The following ST3GAL4 variants were observed in gnomAD, a reference collection of about 807,000 sequenced individuals.
ST3GAL4 encodes CMP-N-acetylneuraminate-beta-galactosamide-alpha-2,3-sialyltransferase 4.
Under a neutral mutation model 42.6 loss-of-function variants are expected in ST3GAL4, and 24 were observed. The ratio of observed to expected loss-of-function variants is 0.56; its 90% CI spans 0.41 to 0.79. The LOEUF (loss-of-function observed/expected upper bound fraction) is 0.79, where lower values mean the gene tolerates loss of function less well. Among genes scored for constraint, ST3GAL4 ranks in the 30% least tolerant of loss-of-function variants. The probability of loss-of-function intolerance (pLI) is 0.00; values close to 1 mark genes in which losing one functional copy is unlikely to be tolerated. For missense variants in ST3GAL4, 311 were observed against 430.8 expected, an observed-to-expected ratio of 0.72 and a Z score of 2.46; for synonymous variants, 135 against 163.2, an observed-to-expected ratio of 0.83 and a Z score of 1.32.
chr11:126,407,464 G>A (rs752546506), intron 5 of ST3GAL4, 110 bp from the exon 6 acceptor site: 519 of 1,564,310 alleles, frequency 3.3e-4, no homozygotes, highest in Middle Eastern at 1.2e-3. Flanking sequence ...GGGTACCAGG[G>A]TCAGGGGAAG....
In ST3GAL4 at chr11:126,409,404, T is replaced by G. The variant is rs1252514714; in HGVS notation, c.764T>G (p.Ile255Ser). 2 of 1,614,050 alleles carry G rather than the reference T, an allele frequency of 1.2e-6. No individual in the cohort carries two copies. Among genetic ancestry groups the G allele is most frequent in the African/African-American group, 2.7e-5 (2 of 74,912 alleles). The change falls in exon 9 of 11, where the codon ATT becomes AGT. Residue 255 changes from isoleucine (I) to serine (S), a missense_variant. Ile to Ser is a moderately radical substitution (Grantham distance 142). Transcript: ENST00000444328. The surrounding 1 kb of genome is among the most constrained non-coding windows in gnomAD (Gnocchi z 4.9). ...LSLPMQQPRK[I>S]KQKPTTGLLA... ...CTGCCAATGCAACAGCCACGGAAGA[T>G]TAAGCAGGTGATGATGGGAAGTCAG...
In ST3GAL4 at chr11:126,411,151, T is replaced by G. The variant is rs1954506880; in HGVS notation, c.771+1740T>G. Among the ~76,000 whole-genome samples the G allele has an allele frequency of 8.5e-6, 1 of 117,382 alleles. No individual in the cohort carries two copies. The highest frequency in any genetic ancestry group is 2.6e-4 in the South Asian group (1 of 3,840). 77.0% of individuals were successfully genotyped at this position (117,382 alleles called of 152,430 possible). On this transcript the variant is annotated intron_variant, in intron 9 of 10. Coordinates refer to ENST00000444328, the MANE Select transcript of ST3GAL4 (RefSeq NM_001254757.2). This position sits in a 1 kb window ranked among gnomAD's most constrained non-coding sequence, Gnocchi z 6.3. ...GAGATGGACTCAACATTGTGTTGGT[T>G]GTTTTTTTTTTTGAGATGGAGTCTT...
intron 8 of ST3GAL4, 26 bp downstream of exon 8, chr11:126,408,522 T>C (rs1374898779): frequency 6.2e-7 from 1 of 1,612,274 alleles, no homozygotes; most frequent in Non-Finnish European, 8.5e-7. Flanking sequence ...GACTGGGGGC[T>C]GAGGCCTGGC....
Position 126,383,430 on chromosome 11 carries a change from A to G in ST3GAL4, c.-60-22666A>G, listed in dbSNP as rs540412138. ...CCACTGGGCCTGAGGGAGGTAGAGC[A>G]GCAGCAGCAGCAGCTGAGCCCAGCC... On this transcript the variant is annotated intron_variant, in intron 1 of 10. Transcript: ENST00000444328. The surrounding 1 kb of genome is among the most constrained non-coding windows in gnomAD (Gnocchi z 4.5). Among the ~76,000 whole-genome samples the G allele has an allele frequency of 3.3e-5, 5 of 152,132 alleles. No individual in the cohort carries two copies. The highest frequency in any genetic ancestry group is 9.7e-5 in the African/African-American group (4 of 41,446).
At chr11:126,357,037 A>G (rs1400320556) in intron 1 of ST3GAL4, among the ~76,000 whole-genome samples, 1 of 152,200 alleles carries the variant, frequency 6.6e-6, no homozygotes, top group East Asian at 1.9e-4. Context: ...ACTATTGGTA[A>G]TATTTCTCCC....
rs900216712 is a variant in ST3GAL4 at position 126,397,726 on chromosome 11, G to T, written c.-60-8370G>T. Among the ~76,000 whole-genome samples the T allele has an allele frequency of 1.3e-5, 2 of 152,180 alleles. No homozygotes were observed. The highest frequency in any genetic ancestry group is 2.4e-5 in the African/African-American group (1 of 41,442). On this transcript the variant is annotated intron_variant, in intron 1 of 10. Coordinates refer to ENST00000444328, the MANE Select transcript of ST3GAL4 (RefSeq NM_001254757.2). The surrounding 1 kb of genome is among the most constrained non-coding windows in gnomAD (Gnocchi z 5.0). Reference sequence around the variant, plus strand: ...TGTCCAAGATCTAGAGGACACATCCGGTGAGGGTCTTCTTGCTGCATTGTC... The same window carrying T: ...TGTCCAAGATCTAGAGGACACATCCTGTGAGGGTCTTCTTGCTGCATTGTC...
chr11:126,375,296 G>T (rs1185634215), intron 1 of ST3GAL4, among the ~76,000 whole-genome samples: 1 of 152,204 alleles, frequency 6.6e-6, no homozygotes, highest in East Asian at 1.9e-4. Flanking sequence ...ACTGTGTCTC[G>T]TGCGGAAGCG....
At chr11:126,395,912 G>A (rs1380319539) in intron 1 of ST3GAL4, among the ~76,000 whole-genome samples, 3 of 152,170 alleles carry the variant, frequency 2.0e-5, no homozygotes, top group Non-Finnish European at 2.9e-5. Context: ...GGAGGGAGGA[G>A]GTGCTGGCCA....
chr11:126,407,015 C>T lies in ST3GAL4; in HGVS notation c.174C>T (p.Leu58=). 1.9e-6 allele frequency: 3 copies of T among 1,613,932 alleles called. No individual in the cohort carries two copies. The change falls in exon 4 of 11, where the codon CTC becomes CTT. Residue 58 remains leucine (L), a synonymous_variant. Transcript: ENST00000444328. The part of the protein sequence containing the change: ...QGEAESKASK[L]FGNYSRDQPI... ...AGGCAGAGAGCAAGGCCTCTAAGCT[C>T]TTTGGCAAGTAAGTACTTAAGGATG...
At position 126,410,532 on chromosome 11, in the gene ST3GAL4, G is replaced by A. The variant is rs1054013241; in HGVS notation, c.771+1121G>A. ...ATGACCTTTTAAGGCTGTTGTAGGA[G>A]TTTGAAAAATAATAATGATGTAAAA... On this transcript the variant is annotated intron_variant, in intron 9 of 10. Coordinates refer to ENST00000444328, the MANE Select transcript of ST3GAL4 (RefSeq NM_001254757.2). The surrounding 1 kb of genome is among the most constrained non-coding windows in gnomAD (Gnocchi z 5.3). Among the ~76,000 whole-genome samples the A allele has an allele frequency of 1.3e-5, 2 of 152,226 alleles. No individual in the cohort carries two copies. The highest frequency in any genetic ancestry group is 2.9e-5 in the Non-Finnish European group (2 of 68,048).
chr11:126,381,149 G>C (rs2135441105), intron 1 of ST3GAL4, among the ~76,000 whole-genome samples: 1 of 152,310 alleles, frequency 6.6e-6, no homozygotes, highest in East Asian at 1.9e-4. Context: ...GCTTTGCACT[G>C]TGGCTTTGCT....
intron 1 of ST3GAL4, among the ~76,000 whole-genome samples, chr11:126,375,482 G>A (rs56710099): frequency 0.12 from 18,945 of 151,914 alleles, 1,328 homozygotes; most frequent in Middle Eastern, 0.19. Flanking sequence ...TAGGATGTGG[G>A]GGTTCTGGCT....
At chr11:126,395,035 C>G (rs1377043353) in intron 1 of ST3GAL4, among the ~76,000 whole-genome samples, 1 of 152,002 alleles carries the variant, frequency 6.6e-6, no homozygotes, top group Non-Finnish European at 1.5e-5. Flanking sequence ...GCCAGGAAGC[C>G]TCCCCGTGCC....
chr11:126,357,171 C>A (rs1465551469), intron 1 of ST3GAL4, among the ~76,000 whole-genome samples: 2 of 152,124 alleles, frequency 1.3e-5, no homozygotes, highest in African/African-American at 2.4e-5. Flanking sequence ...TCTGGGAATG[C>A]CCCTTGACCG....
At chr11:126,357,653 T>C (rs533453745) in intron 1 of ST3GAL4, among the ~76,000 whole-genome samples, 1 of 152,326 alleles carries the variant, frequency 6.6e-6, no homozygotes, top group East Asian at 1.9e-4. Flanking sequence ...TTCTGGACTT[T>C]TAATCCTGGA....
chr11:126,400,635 G>A lies in ST3GAL4; in HGVS notation c.-60-5461G>A, dbSNP rs1282235748. Among the ~76,000 whole-genome samples, 1 of 152,212 alleles carries A rather than the reference G, an allele frequency of 6.6e-6. No homozygotes were observed. Among genetic ancestry groups the A allele is most frequent in the Non-Finnish European group, 1.5e-5 (1 of 68,026 alleles). Reference sequence around the variant, plus strand: ...ATGTAAGGAGTGCGGAGTGAGTGAAGCAAGAGGGTGATTTGATCCATATCA... The same window carrying A: ...ATGTAAGGAGTGCGGAGTGAGTGAAACAAGAGGGTGATTTGATCCATATCA... On this transcript the variant is annotated intron_variant, in intron 1 of 10. Transcript: ENST00000444328. This position sits in a 1 kb window ranked among gnomAD's most constrained non-coding sequence, Gnocchi z 4.6.
intron 1 of ST3GAL4, among the ~76,000 whole-genome samples, chr11:126,370,502 A>G (rs1952600503): frequency 6.6e-6 from 1 of 152,206 alleles, no homozygotes; most frequent in African/African-American, 2.4e-5. Context: ...GTTATAGGCT[A>G]AGGGAATTAA....
At position 126,373,950 on chromosome 11, in the gene ST3GAL4, C is replaced by G. The variant is rs1194443532; in HGVS notation, c.-61+18108C>G. 4.6e-5 allele frequency among the ~76,000 whole-genome samples: 7 copies of G among 152,156 alleles called. No individual in the cohort carries two copies. On this transcript the variant is annotated intron_variant, in intron 1 of 10. Transcript: ENST00000444328. This position sits in a 1 kb window ranked among gnomAD's most constrained non-coding sequence, Gnocchi z 5.5. ...CACTGCCTCTTCCACTCTGTTCCAC[C>G]TGCACTGGAGCGATGCTATCCGATG...
intron 1 of ST3GAL4, among the ~76,000 whole-genome samples, chr11:126,382,829 C>A (rs1314636519): frequency 6.6e-6 from 1 of 152,236 alleles, no homozygotes; most frequent in African/African-American, 2.4e-5. Flanking sequence ...CTGTCCCTCT[C>A]ATCACCCCCC....
Sources: allele counts gnomAD v4.1 joint callset (sites outside exome capture counted in the v4.1 genomes callset), GRCh38; gene constraint gnomAD v4.1.1; non-coding constraint Gnocchi (gnomAD v3.1); transcripts MANE v1.5; gene names NCBI Gene and HGNC (gene_info 2026-07-23, HGNC 2026-07-21).